NEDD4: variants seen among roughly 807,000 people sequenced by gnomAD.
NEDD4 encodes the protein E3 ubiquitin-protein ligase NEDD4.
Under a neutral mutation model 144.9 loss-of-function variants are expected in NEDD4, and 99 were observed. The observed-to-expected ratio is 0.68, with a 90% CI of 0.58 to 0.81. The LOEUF is 0.81. Ranked by LOEUF, NEDD4 falls within the 30% of genes least tolerant of loss-of-function variation. The probability of loss-of-function intolerance (pLI) is 0.00; values close to 1 mark genes in which losing one functional copy is unlikely to be tolerated. For missense variants in NEDD4, 985 were observed against 1,065.9 expected (o/e 0.92, Z 1.06); for synonymous variants, 318 against 350.6 (o/e 0.91, Z 1.04).
At chr15:55,964,236 T>C (rs2037471757) in intron 2 of NEDD4, among the ~76,000 whole-genome samples, 1 of 152,174 alleles carries the variant, frequency 6.6e-6, no homozygotes, top group African/African-American at 2.4e-5. Context: ...AGATATTATA[T>C]AATGATATCC....
At chr15:55,902,422 T>G (rs1352059996) in intron 5 of NEDD4, among the ~76,000 whole-genome samples, 1 of 152,166 alleles carries the variant, frequency 6.6e-6, no homozygotes, top group Non-Finnish European at 1.5e-5. Flanking sequence ...GCTTTATATA[T>G]GTAAAAGGCT....
At position 55,840,616 on chromosome 15, in the gene NEDD4, T is replaced by A; in HGVS notation, c.1950A>T (p.Lys650Asn). 1 of 1,614,036 alleles carries A rather than the reference T, an allele frequency of 6.2e-7. No homozygotes were observed. The highest frequency in any genetic ancestry group is 1.7e-5 in the Admixed American group (1 of 60,012). Residue 650 changes from lysine (K) to asparagine (N), a missense_variant, in exon 20 of 29, where the codon AAA becomes AAT. Transcript: ENST00000435532. ...ATACTTAATACTAACCATCCAACAG[T>A]TTGCCATGATAAACTGCCATTCCAG... ...RVAGMAVYHG[K>N]LLDGFFIRPF...
intron 4 of NEDD4, among the ~76,000 whole-genome samples, chr15:55,945,127 C>T (rs765667604): frequency 4.2e-4 from 64 of 152,042 alleles, no homozygotes; most frequent in African/African-American, 1.2e-3. Flanking sequence ...CGCAGCCCCT[C>T]GCCAGCAACA....
intron 2 of NEDD4, among the ~76,000 whole-genome samples, chr15:55,965,894 C>T (rs903300659): frequency 9.2e-5 from 14 of 152,068 alleles, no homozygotes; most frequent in Admixed American, 6.5e-4. Flanking sequence ...TCAACTGATC[C>T]GCCTGCCTCG....
intron 5 of NEDD4, among the ~76,000 whole-genome samples, chr15:55,918,760 A>G (rs1363515248): frequency 3.3e-5 from 5 of 149,450 alleles, no homozygotes; most frequent in African/African-American, 1.2e-4. Context: ...TAATACAATT[A>G]TTATGTTATT....
At chr15:55,939,103 C>G (rs1294633013) in intron 4 of NEDD4, among the ~76,000 whole-genome samples, 2 of 118,752 alleles carry the variant, frequency 1.7e-5, no homozygotes, top group African/African-American at 6.9e-5. Context: ...GAGACCGTGT[C>G]TCGAAAACAA....
chr15:55,965,653 G>GGTATGTATGTAT (rs71110357), intron 2 of NEDD4, among the ~76,000 whole-genome samples: 2,512 of 150,164 alleles, frequency 0.017, 37 homozygotes, highest in African/African-American at 0.032. Context: ...AATACTATTT[G>GGTATGTATGTAT]GTATGTATGT....
chr15:55,935,260 G>C (rs1453177904), intron 4 of NEDD4, among the ~76,000 whole-genome samples: 3 of 152,120 alleles, frequency 2.0e-5, no homozygotes, highest in Admixed American at 6.6e-5. Context: ...CAGTAGATTA[G>C]GATTTCGTTG....
intron 4 of NEDD4, among the ~76,000 whole-genome samples, chr15:55,932,638 G>A (rs1399113931): frequency 3.3e-5 from 5 of 152,156 alleles, no homozygotes; most frequent in South Asian, 2.1e-4. Context: ...AACACCAAAA[G>A]CAATGGCAAC....
At chr15:55,903,413 C>T (rs1427532911) in intron 5 of NEDD4, among the ~76,000 whole-genome samples, 1 of 152,108 alleles carries the variant, frequency 6.6e-6, no homozygotes, top group African/African-American at 2.4e-5. Context: ...AATTTCTGGG[C>T]CTTTCTACTT....
At chr15:55,844,886 C>T (rs2033676646) in intron 18 of NEDD4, among the ~76,000 whole-genome samples, 1 of 150,776 alleles carries the variant, frequency 6.6e-6, no homozygotes, top group Non-Finnish European at 1.5e-5. Context: ...TAGCCCAGTG[C>T]AGCTTTGAAC....
chr15:55,964,086 T>A (rs1431216803), intron 2 of NEDD4, among the ~76,000 whole-genome samples: 1 of 152,184 alleles, frequency 6.6e-6, no homozygotes. Context: ...CACTTCATTG[T>A]GTTCTTAATG....
chr15:55,949,006 C>A (rs1415963880), intron 4 of NEDD4, among the ~76,000 whole-genome samples: 3 of 152,096 alleles, frequency 2.0e-5, no homozygotes, highest in Admixed American at 6.6e-5. Flanking sequence ...CTACCATCAG[C>A]ATGAACAGGC....
intron 13 of NEDD4, 35 bp downstream of exon 13, chr15:55,852,389 C>A: frequency 6.3e-7 from 1 of 1,591,770 alleles, no homozygotes; most frequent in Non-Finnish European, 8.6e-7. Context: ...CAGTTTAAAT[C>A]CTGTAAGAAA....
chr15:55,944,759 G>A (rs905407662), intron 4 of NEDD4, among the ~76,000 whole-genome samples: 1 of 152,150 alleles, frequency 6.6e-6, no homozygotes, highest in Non-Finnish European at 1.5e-5. Context: ...CCTCATACAG[G>A]CAGGTGCCCC....
chr15:55,889,502 T>C (rs1295457762), intron 5 of NEDD4, among the ~76,000 whole-genome samples: 1 of 152,168 alleles, frequency 6.6e-6, no homozygotes, highest in Non-Finnish European at 1.5e-5. Flanking sequence ...TCTCACTTAT[T>C]TGTGGGAGCT....
intron 5 of NEDD4, among the ~76,000 whole-genome samples, chr15:55,889,778 G>A (rs551900274): frequency 8.6e-5 from 13 of 151,952 alleles, no homozygotes; most frequent in Non-Finnish European, 1.3e-4. Flanking sequence ...TCAGCTCACC[G>A]CAACCTCCAC....
chr15:55,935,845 CAAA>C (rs35215537), intron 4 of NEDD4, among the ~76,000 whole-genome samples: 8 of 78,260 alleles, frequency 1.0e-4, no homozygotes, highest in East Asian at 3.9e-4. Flanking sequence ...GACTCTGTTT[CAAA>C]AAAAAAAAAA....
chr15:55,935,465 G>A (rs2036867179), intron 4 of NEDD4, among the ~76,000 whole-genome samples: 1 of 151,968 alleles, frequency 6.6e-6, no homozygotes, highest in South Asian at 2.1e-4. Flanking sequence ...ACCAACAATG[G>A]GGTAGGAAAT....
Sources: gnomAD v4.1 joint callset for allele counts (sites outside exome capture counted in the v4.1 genomes callset) on GRCh38, gnomAD v4.1.1 for gene constraint, MANE v1.5 for transcripts, NCBI Gene and HGNC (gene_info 2026-07-23, HGNC 2026-07-21) for gene names.